IGF1: variants seen among roughly 807,000 people sequenced by gnomAD.
IGF1 encodes the protein insulin like growth factor 1.
In IGF1, 4 loss-of-function variants were observed where a neutral mutation model predicts 13.8. The ratio of observed to expected loss-of-function variants is 0.29; its 90% CI spans 0.14 to 0.66. The LOEUF (loss-of-function observed/expected upper bound fraction) is 0.66. Ranked by LOEUF, IGF1 falls within the 30% of genes least tolerant of loss-of-function variation. The probability of loss-of-function intolerance (pLI) is 0.78; values close to 1 mark genes in which losing one functional copy is unlikely to be tolerated. For missense variants in IGF1, 124 were observed against 188.5 expected, an observed-to-expected ratio of 0.66 and a Z score of 2.00; for synonymous variants, 76 against 72.6, an observed-to-expected ratio of 1.05 and a Z score of -0.23.
chr12:102,471,485 G>C (rs1880686542), intron 2 of IGF1, among the ~76,000 whole-genome samples: 1 of 152,148 alleles, frequency 6.6e-6, no homozygotes, highest in Non-Finnish European at 1.5e-5. Context: ...CTAGATCTAA[G>C]AAGGTTGTTG....
chr12:102,396,390 C>T lies in IGF1; in HGVS notation c.*6117G>A, dbSNP rs966474742. On this transcript the variant is annotated 3_prime_UTR_variant, in exon 4 of 4. Coordinates refer to ENST00000337514, the MANE Select transcript of IGF1 (RefSeq NM_000618.5). Reference sequence around the variant, plus strand: ...TAGACATTTTCATGATACACAGACACAGATAAAAGATGTAAGTAGACAGCT... The same window carrying T: ...TAGACATTTTCATGATACACAGACATAGATAAAAGATGTAAGTAGACAGCT... 6.6e-6 allele frequency: 1 copy of T among 152,544 alleles called. No individual in the cohort carries two copies. The highest frequency in any genetic ancestry group is 1.5e-5 in the Non-Finnish European group (1 of 68,322). 9.4% of individuals were successfully genotyped at this position (152,544 alleles called of 1,614,324 possible).
At chr12:102,421,156 A>G (rs1278711469) in intron 2 of IGF1, among the ~76,000 whole-genome samples, 1 of 152,102 alleles carries the variant, frequency 6.6e-6, no homozygotes, top group Non-Finnish European at 1.5e-5. Context: ...TCCTTCTGTA[A>G]GGCAGGTTTA....
rs1307449474 is a variant in IGF1 at position 102,398,222 on chromosome 12, T to C, written c.*4285A>G. On this transcript the variant is annotated 3_prime_UTR_variant, in exon 4 of 4. Transcript: ENST00000337514. ...TCATAAGGAAATACTTTCCAACATT[T>C]CCCAAATGAGATCAGTGATTGCTTT... 6.6e-6 allele frequency: 1 copy of C among 152,618 alleles called. No individual in the cohort carries two copies. The highest frequency in any genetic ancestry group is 6.5e-5 in the Admixed American group (1 of 15,280). 9.5% of individuals were successfully genotyped at this position (152,618 alleles called of 1,614,324 possible).
intron 2 of IGF1, among the ~76,000 whole-genome samples, chr12:102,451,286 C>T (rs1236499668): frequency 6.6e-6 from 1 of 152,210 alleles, no homozygotes; most frequent in Non-Finnish European, 1.5e-5. Flanking sequence ...GAGTATTGCT[C>T]TCCTTTCTGT....
chr12:102,415,524 C>A (rs1875014335), intron 3 of IGF1, among the ~76,000 whole-genome samples: 1 of 116,926 alleles, frequency 8.6e-6, no homozygotes, highest in Admixed American at 8.4e-5. Flanking sequence ...ACTAGAAAGT[C>A]TTTTTGTTCT....
intron 2 of IGF1, among the ~76,000 whole-genome samples, chr12:102,423,983 T>C (rs1337989545): frequency 6.6e-6 from 1 of 152,204 alleles, no homozygotes; most frequent in African/African-American, 2.4e-5. Context: ...GTTGGAACAA[T>C]GCATTCAGCT....
intron 2 of IGF1, among the ~76,000 whole-genome samples, chr12:102,426,164 T>A (rs1876184671): frequency 6.6e-6 from 1 of 152,246 alleles, no homozygotes. Context: ...GTGAAGTGGC[T>A]AAAAGCACAA....
chr12:102,413,127 G>A (rs933246029), intron 3 of IGF1, among the ~76,000 whole-genome samples: 2 of 152,182 alleles, frequency 1.3e-5, no homozygotes, highest in African/African-American at 4.8e-5. Flanking sequence ...AAGTATTGAG[G>A]TGAGCATACA....
At chr12:102,407,251 C>T (rs969983515) in intron 3 of IGF1, among the ~76,000 whole-genome samples, 19 of 151,964 alleles carry the variant, frequency 1.3e-4, no homozygotes, top group Non-Finnish European at 1.5e-4. Flanking sequence ...TGAGGTGATG[C>T]GGTGTTATTC....
intron 2 of IGF1, among the ~76,000 whole-genome samples, chr12:102,466,256 G>T (rs945010336): frequency 7.9e-5 from 12 of 152,232 alleles, no homozygotes; most frequent in African/African-American, 2.9e-4. Context: ...GGATTAAACA[G>T]TGACTGAGAA....
chr12:102,448,651 G>T (rs1878580632), intron 2 of IGF1, among the ~76,000 whole-genome samples: 1 of 135,642 alleles, frequency 7.4e-6, no homozygotes, highest in South Asian at 2.4e-4. Flanking sequence ...TAACTAACTT[G>T]CACAATGTGC....
rs1873163059 is a variant in IGF1, at chr12:102,396,148, T to C, written c.*6359A>G. 1 of 152,188 alleles carries C rather than the reference T, an allele frequency of 6.6e-6. No individual in the cohort carries two copies. The highest frequency in any genetic ancestry group is 6.5e-5 in the Admixed American group (1 of 15,282). The allele number at this position is 152,188 out of a possible 1,614,324, so 9.4% of individuals were successfully genotyped here. ...GAATGGCCAGTCATTATTTTCTGGTTTCAAAGTAGCAGGGGAAATTAATTC... is the reference window on the plus strand; with the variant it reads ...GAATGGCCAGTCATTATTTTCTGGTCTCAAAGTAGCAGGGGAAATTAATTC... On this transcript the variant is annotated 3_prime_UTR_variant, in exon 4 of 4. Transcript: ENST00000337514.
intron 2 of IGF1, among the ~76,000 whole-genome samples, chr12:102,446,665 A>G (rs1442166453): frequency 6.6e-6 from 1 of 152,082 alleles, no homozygotes; most frequent in African/African-American, 2.4e-5. Context: ...TGCTCTTTCA[A>G]AAAATGAGCT....
chr12:102,441,178 A>G (rs142778540), intron 2 of IGF1, among the ~76,000 whole-genome samples: 198 of 152,304 alleles, frequency 1.3e-3, no homozygotes, highest in South Asian at 3.9e-3. Context: ...ACCAAAGTCA[A>G]TCTTTGCCAT....
intron 2 of IGF1, among the ~76,000 whole-genome samples, chr12:102,466,506 A>G (rs544840845): frequency 2.6e-5 from 4 of 152,338 alleles, no homozygotes; most frequent in African/African-American, 9.6e-5. Flanking sequence ...CTCTCCCAGC[A>G]AAAAATAGTC....
At chr12:102,461,868 T>A (rs1879923439) in intron 2 of IGF1, among the ~76,000 whole-genome samples, 2 of 152,342 alleles carry the variant, frequency 1.3e-5, no homozygotes, top group South Asian at 4.1e-4. Flanking sequence ...TTAACATCAT[T>A]TTTGAAATCT....
intron 2 of IGF1, among the ~76,000 whole-genome samples, chr12:102,464,618 C>T (rs1385482690): frequency 1.3e-5 from 2 of 151,700 alleles, no homozygotes; most frequent in Admixed American, 6.6e-5. Context: ...GTTACAACTG[C>T]ATCAAATGTT....
chr12:102,476,087 C>G (rs1415604144), intron 1 of IGF1, among the ~76,000 whole-genome samples: 1 of 152,126 alleles, frequency 6.6e-6, no homozygotes, highest in Non-Finnish European at 1.5e-5. Flanking sequence ...GACAAAATAT[C>G]TAGAAACGTT....
At position 102,402,506 on chromosome 12, in the gene IGF1, C is replaced by T. The variant is rs1470816804; in HGVS notation, c.*1G>A. On this transcript the variant is annotated 3_prime_UTR_variant, in exon 4 of 4. Transcript: ENST00000337514. ...ACTCTTCACTCCTCAGGAGGGTCTT[C>T]CTACATCCTGTAGTTCTTGTTTCCT... 1.3e-6 allele frequency: 1 copy of T among 780,880 alleles called. No homozygotes were observed. The highest frequency in any genetic ancestry group is 2.4e-6 in the Non-Finnish European group (1 of 417,980). The allele number at this position is 780,880 out of a possible 1,614,324, so 48.4% of individuals were successfully genotyped here. A position where few individuals can be genotyped will look rare whatever the true frequency, so the allele number is the denominator to read the frequency against.
Sources: gnomAD v4.1 joint callset for allele counts (sites outside exome capture counted in the v4.1 genomes callset) on GRCh38, gnomAD v4.1.1 for gene constraint, MANE v1.5 for transcripts, NCBI Gene and HGNC (gene_info 2026-07-23, HGNC 2026-07-21) for gene names.